Variants in VEPH1 observed in about 807,000 individuals in gnomAD.
VEPH1 encodes ventricular zone expressed PH domain containing 1.
In VEPH1, 80 loss-of-function variants were observed where a neutral mutation model predicts 85.2. That is an observed-to-expected ratio of 0.94 (90% CI 0.78 to 1.13). The LOEUF (loss-of-function observed/expected upper bound fraction) is 1.13. Ranked by LOEUF, VEPH1 falls within the 50% of genes most tolerant of loss-of-function variation. The probability of loss-of-function intolerance (pLI) is 0.00; values close to 1 mark genes in which losing one functional copy is unlikely to be tolerated. For synonymous variants in VEPH1, 297 were observed against 348.0 expected, an observed-to-expected ratio of 0.85 and a Z score of 1.63; for missense variants, 955 against 980.5, an observed-to-expected ratio of 0.97 and a Z score of 0.35.
chr3:157,289,158 G>A (rs1242839286), intron 11 of VEPH1, among the ~76,000 whole-genome samples: 1 of 152,166 alleles, frequency 6.6e-6, no homozygotes, highest in Non-Finnish European at 1.5e-5. Flanking sequence ...GTCTGTACTT[G>A]GCCATTGCCA....
intron 7 of VEPH1, 22 bp downstream of exon 7, chr3:157,381,134 G>T: frequency 6.2e-7 from 1 of 1,611,328 alleles, no homozygotes; most frequent in Non-Finnish European, 8.5e-7. Flanking sequence ...GCTCCCTGAG[G>T]TACACAGAAG....
At chr3:157,368,179 A>G (rs1194204341) in intron 7 of VEPH1, among the ~76,000 whole-genome samples, 1 of 152,170 alleles carries the variant, frequency 6.6e-6, no homozygotes, top group Non-Finnish European at 1.5e-5. Flanking sequence ...CAGTCATCAC[A>G]TGTTAGATTT....
intron 1 of VEPH1, among the ~76,000 whole-genome samples, chr3:157,497,030 G>T (rs1476872535): frequency 6.6e-6 from 1 of 152,216 alleles, no homozygotes; most frequent in Non-Finnish European, 1.5e-5. Context: ...GCAACCTGAG[G>T]TAGTTAAATA....
chr3:157,322,767 T>C (rs1721491342), intron 9 of VEPH1, among the ~76,000 whole-genome samples: 1 of 152,200 alleles, frequency 6.6e-6, no homozygotes, highest in African/African-American at 2.4e-5. Context: ...TCCTTCATTT[T>C]CCATTTAATT....
At chr3:157,285,068 C>T (rs891769071) in intron 12 of VEPH1, 45 of 152,166 alleles carry the variant, frequency 3.0e-4, no homozygotes, top group African/African-American at 9.9e-4. Flanking sequence ...TCTTCAGGGC[C>T]TCTCAGAGAT....
chr3:157,415,305 G>C (rs898393246), intron 5 of VEPH1: 4 of 152,140 alleles, frequency 2.6e-5, no homozygotes, highest in Non-Finnish European at 5.9e-5. Context: ...AGTCTGAAAA[G>C]ATTCACTGTT....
At chr3:157,499,865 G>C (rs1739964924) in intron 1 of VEPH1, among the ~76,000 whole-genome samples, 1 of 152,158 alleles carries the variant, frequency 6.6e-6, no homozygotes, top group Non-Finnish European at 1.5e-5. Flanking sequence ...GGGAGGAGAA[G>C]AGAACTGCAG....
intron 11 of VEPH1, among the ~76,000 whole-genome samples, chr3:157,308,914 T>C (rs1719807772): frequency 6.6e-6 from 1 of 152,168 alleles, no homozygotes; most frequent in Non-Finnish European, 1.5e-5. Context: ...TAATTGATGT[T>C]AAATGAACAG....
chr3:157,364,968 T>C (rs1726467968), intron 7 of VEPH1, among the ~76,000 whole-genome samples: 1 of 152,224 alleles, frequency 6.6e-6, no homozygotes, highest in African/African-American at 2.4e-5. Flanking sequence ...TCAGTATAAC[T>C]CTTATACCTT....
Position 157,286,630 on chromosome 3 carries a change from A to G in VEPH1, c.2055T>C (p.Phe685=), listed in dbSNP as rs760649951. 3 of 1,614,122 alleles carry G rather than the reference A, an allele frequency of 1.9e-6. No homozygotes were observed. The highest frequency in any genetic ancestry group is 2.5e-6 in the Non-Finnish European group (3 of 1,179,972). The change falls in exon 12 of 14, where the codon TTT becomes TTC. Residue 685 remains phenylalanine, a synonymous_variant. Transcript: ENST00000362010. ...VQLHLEEVRF[F]DVFGFSETAG... ...CTGTTTCACTGAAGCCAAACACGTC[A>G]AAGAACCTCACTTCTTCCAGATGGA...
At position 157,470,362 on chromosome 3, in the gene VEPH1, GTCT is replaced by G. The variant is rs1560089510; in HGVS notation, c.303_305del (p.Glu101del). 4 of 1,614,094 alleles carry G rather than the reference GTCT, an allele frequency of 2.5e-6. No homozygotes were observed. The highest frequency in any genetic ancestry group is 3.4e-6 in the Non-Finnish European group (4 of 1,180,006). On this transcript the variant is annotated inframe_deletion, in exon 3 of 14. Coordinates refer to ENST00000362010, the MANE Select transcript of VEPH1 (RefSeq NM_001167912.2). ...CAGATGCGATTTTTGCATGAGGAGT[GTCT>G]TCGTCTTTCCCAAAGGGTCTCAGGT...
chr3:157,389,640 TAGATAGATAGA>T (rs1436964384), intron 6 of VEPH1, among the ~76,000 whole-genome samples: 1 of 67,928 alleles, frequency 1.5e-5, no homozygotes, highest in Non-Finnish European at 3.0e-5. Context: ...GATAGATAGA[TAGATAGATAGA>T]TAGATAGATA....
At chr3:157,417,839 G>A (rs574271081) in intron 5 of VEPH1, among the ~76,000 whole-genome samples, 1 of 152,252 alleles carries the variant, frequency 6.6e-6, no homozygotes, top group East Asian at 1.9e-4. Flanking sequence ...TGACAAATGT[G>A]CCTTTATAAC....
Position 157,470,881 on chromosome 3 carries a change from G to A in VEPH1, c.139-352C>T, listed in dbSNP as rs187187668. On this transcript the variant is annotated intron_variant, in intron 2 of 13. Transcript: ENST00000362010. Reference sequence around the variant, plus strand: ...GGTTACTTTTTACTCTGACATTTCAGCAACTTTTGTGAAATGTTTCAAATT... The same window carrying A: ...GGTTACTTTTTACTCTGACATTTCAACAACTTTTGTGAAATGTTTCAAATT... 5.9e-5 allele frequency among the ~76,000 whole-genome samples: 9 copies of A among 152,256 alleles called. No homozygotes were observed. In the East Asian group the frequency reaches 1.5e-3, roughly 26 times the overall value.
chr3:157,444,061 C>T (rs1840669), intron 4 of VEPH1, among the ~76,000 whole-genome samples: 14,968 of 152,196 alleles, frequency 0.098, 1,249 homozygotes, highest in South Asian at 0.22. Context: ...CTTCCTTACT[C>T]AGAAGGGAGA....
intron 6 of VEPH1, among the ~76,000 whole-genome samples, chr3:157,396,861 T>G (rs1243459153): frequency 1.3e-5 from 2 of 152,202 alleles, no homozygotes; most frequent in Non-Finnish European, 2.9e-5. Flanking sequence ...GTCAGACGGA[T>G]AGATTGCAAA....
chr3:157,342,367 G>T (rs7427794), intron 9 of VEPH1, among the ~76,000 whole-genome samples: 2 of 151,946 alleles, frequency 1.3e-5, no homozygotes, highest in African/African-American at 4.8e-5. Context: ...AAAAGGCAGG[G>T]GTTGCAATCC....
At chr3:157,282,498 A>G (rs1397106367) in intron 12 of VEPH1, among the ~76,000 whole-genome samples, 2 of 152,234 alleles carry the variant, frequency 1.3e-5, no homozygotes, top group Non-Finnish European at 2.9e-5. Flanking sequence ...TGATGATCAC[A>G]TTCAAATTTT....
intron 3 of VEPH1, among the ~76,000 whole-genome samples, chr3:157,462,082 T>G (rs958461602): frequency 2.5e-4 from 37 of 147,700 alleles, no homozygotes; most frequent in Admixed American, 4.1e-4. Context: ...AAAGTATTAT[T>G]TATATATATA....
Sources: allele counts gnomAD v4.1 joint callset (sites outside exome capture counted in the v4.1 genomes callset), GRCh38; gene constraint gnomAD v4.1.1; transcripts MANE v1.5; gene names NCBI Gene and HGNC (gene_info 2026-07-23, HGNC 2026-07-21).